Variants in UNC5D observed in about 807,000 individuals in gnomAD.
The protein encoded by UNC5D is unc-5 netrin receptor D.
In UNC5D, 39 loss-of-function variants were observed where a neutral mutation model predicts 105.4. The ratio of observed to expected loss-of-function variants is 0.37; its 90% CI spans 0.29 to 0.48. The LOEUF is 0.48. Ranked by LOEUF, UNC5D falls within the 20% of genes least tolerant of loss-of-function variation. The pLI, the probability that UNC5D is intolerant of heterozygous loss-of-function variation, is 0.98. For missense variants in UNC5D, 991 were observed against 1,202.4 expected, an observed-to-expected ratio of 0.82 and a Z score of 2.60; for synonymous variants, 452 against 450.4, an observed-to-expected ratio of 1.00 and a Z score of -0.04.
intron 1 of UNC5D, among the ~76,000 whole-genome samples, chr8:35,355,280 C>A (rs1239492977): frequency 2.6e-5 from 4 of 152,088 alleles, no homozygotes; most frequent in South Asian, 4.1e-4. Context: ...AGTCATCAAT[C>A]AGCTCAAACC....
intron 16 of UNC5D, among the ~76,000 whole-genome samples, chr8:35,786,384 A>G (rs1212546340): frequency 6.6e-6 from 1 of 152,162 alleles, no homozygotes; most frequent in Admixed American, 6.6e-5. Flanking sequence ...TCTTTTGATC[A>G]TTTAGCTTCG....
chr8:35,692,838 C>A (rs536432022), intron 7 of UNC5D, among the ~76,000 whole-genome samples: 4 of 152,206 alleles, frequency 2.6e-5, no homozygotes, highest in African/African-American at 9.6e-5. Context: ...AGTAGGTGCT[C>A]CTTTTTACAC....
At chr8:35,648,353 T>A (rs148721078) in intron 4 of UNC5D, among the ~76,000 whole-genome samples, 25 of 152,136 alleles carry the variant, frequency 1.6e-4, no homozygotes, top group South Asian at 6.2e-4. Flanking sequence ...TCCCACAATA[T>A]CCTCACAGGC....
intron 11 of UNC5D, among the ~76,000 whole-genome samples, chr8:35,731,349 C>T (rs1280429592): frequency 8.1e-6 from 1 of 123,280 alleles, no homozygotes; most frequent in Non-Finnish European, 1.6e-5. Context: ...TGCAGTGAGC[C>T]AAGATCGTGC....
intron 9 of UNC5D, among the ~76,000 whole-genome samples, chr8:35,722,800 C>T (rs1299197081): frequency 6.6e-6 from 1 of 152,062 alleles, no homozygotes; most frequent in Non-Finnish European, 1.5e-5. Flanking sequence ...ATTTATTACC[C>T]TATTTATGAA....
intron 8 of UNC5D, among the ~76,000 whole-genome samples, chr8:35,712,542 C>T (rs1181403527): frequency 6.6e-6 from 1 of 152,182 alleles, no homozygotes; most frequent in African/African-American, 2.4e-5. Flanking sequence ...AAACAATGGC[C>T]TGAATGCATC....
chr8:35,470,774 A>AT (rs887878275), intron 1 of UNC5D, among the ~76,000 whole-genome samples: 1 of 31,822 alleles, frequency 3.1e-5, no homozygotes, highest in Non-Finnish European at 8.2e-5. Flanking sequence ...CTCAAAATAA[A>AT]TAAATAAATA....
intron 4 of UNC5D, among the ~76,000 whole-genome samples, chr8:35,677,902 G>T (rs535773159): frequency 1.7e-4 from 26 of 151,864 alleles, no homozygotes; most frequent in Non-Finnish European, 3.1e-4. Flanking sequence ...GTGTGTGTGT[G>T]TGTGTATGTG....
chr8:35,328,805 C>G (rs1024274587), intron 1 of UNC5D, among the ~76,000 whole-genome samples: 1 of 152,168 alleles, frequency 6.6e-6, no homozygotes, highest in Non-Finnish European at 1.5e-5. Flanking sequence ...GAGTATCGTT[C>G]CACATATTAG....
chr8:35,262,489 AAAAC>A (rs935013814), intron 1 of UNC5D, among the ~76,000 whole-genome samples: 21 of 152,352 alleles, frequency 1.4e-4, no homozygotes, highest in Admixed American at 7.2e-4. Flanking sequence ...CAGCTTTAAA[AAAAC>A]AAACAAACAA....
At chr8:35,629,435 C>T (rs1048080190) in intron 4 of UNC5D, among the ~76,000 whole-genome samples, 1 of 151,876 alleles carries the variant, frequency 6.6e-6, no homozygotes, top group African/African-American at 2.4e-5. Flanking sequence ...AATTCAGCAA[C>T]AGAAAATCAA....
chr8:35,368,846 T>C (rs1439929268), intron 1 of UNC5D, among the ~76,000 whole-genome samples: 3 of 151,990 alleles, frequency 2.0e-5, no homozygotes, highest in South Asian at 2.1e-4. Context: ...GGAAAGGCCA[T>C]GTAAGGACAC....
chr8:35,537,505 A>T (rs1814925950), intron 1 of UNC5D, among the ~76,000 whole-genome samples: 1 of 152,020 alleles, frequency 6.6e-6, no homozygotes, highest in African/African-American at 2.4e-5. Context: ...CAGAGAGAAA[A>T]CATGTCTCCA....
chr8:35,669,444 G>C (rs1247524730), intron 4 of UNC5D, among the ~76,000 whole-genome samples: 1 of 152,036 alleles, frequency 6.6e-6, no homozygotes, highest in Non-Finnish European at 1.5e-5. Context: ...CAGAAATATG[G>C]GTGCCAAATT....
chr8:35,271,311 G>A (rs1187130383), intron 1 of UNC5D, among the ~76,000 whole-genome samples: 1 of 115,458 alleles, frequency 8.7e-6, no homozygotes, highest in African/African-American at 3.6e-5. Context: ...ACATGCACGT[G>A]TGTATGTATA....
At chr8:35,420,550 G>A (rs2128965692) in intron 1 of UNC5D, among the ~76,000 whole-genome samples, 1 of 152,302 alleles carries the variant, frequency 6.6e-6, no homozygotes, top group African/African-American at 2.4e-5. Flanking sequence ...AATACAATTA[G>A]TCTGAAGTCT....
intron 1 of UNC5D, among the ~76,000 whole-genome samples, chr8:35,245,109 G>A (rs2056761): frequency 0.37 from 56,658 of 151,868 alleles, 11,156 homozygotes; most frequent in Non-Finnish European, 0.43. Context: ...TAAATACCTC[G>A]TCTTTATTAT....
chr8:35,342,036 A>G (rs1049068416), intron 1 of UNC5D, among the ~76,000 whole-genome samples: 3 of 152,246 alleles, frequency 2.0e-5, no homozygotes, highest in Middle Eastern at 3.4e-3. Context: ...CTTGGTAACA[A>G]TCTTATAACA....
chr8:35,294,348 C>A (rs567884545), intron 1 of UNC5D, among the ~76,000 whole-genome samples: 4 of 152,194 alleles, frequency 2.6e-5, no homozygotes, highest in African/African-American at 9.6e-5. Flanking sequence ...AGGTAGATAT[C>A]CTTTCTCAAT....
Sources: gnomAD v4.1 joint callset for allele counts (sites outside exome capture counted in the v4.1 genomes callset) on GRCh38, gnomAD v4.1.1 for gene constraint, MANE v1.5 for transcripts, NCBI Gene and HGNC (gene_info 2026-07-23, HGNC 2026-07-21) for gene names.